The following UGT2B11 variants were observed in gnomAD, a reference collection of about 807,000 sequenced individuals.
UGT2B11 encodes UDP-glucuronosyltransferase 2B11.
In UGT2B11, 49 loss-of-function variants were observed where a neutral mutation model predicts 51.7. The observed-to-expected ratio is 0.95, with a 90% confidence interval of 0.75 to 1.20. The LOEUF (loss-of-function observed/expected upper bound fraction) is 1.20. Ranked by LOEUF, UGT2B11 falls within the 50% of genes most tolerant of loss-of-function variation. UGT2B11 has a pLI of 0.00. For missense variants in UGT2B11, 810 were observed against 622.1 expected (o/e 1.30, Z -3.21); for synonymous variants, 273 against 209.0 (o/e 1.31, Z -2.64).
chr4:69,223,607 A>T, the UGT2B11 span, among the ~76,000 whole-genome samples: 6 of 152,182 alleles, frequency 3.9e-5, no homozygotes, highest in African/African-American at 7.2e-5. Context: ...GCTAAGGCCC[A>T]ATTTACGTGG....
chr4:69,211,310 T>A (rs1429637404), intron 2 of UGT2B11, among the ~76,000 whole-genome samples: 1 of 151,564 alleles, frequency 6.6e-6, no homozygotes, highest in Non-Finnish European at 1.5e-5. Flanking sequence ...GTGAAGATCC[T>A]TGTTACTTAT....
chr4:69,213,984 G>T lies in UGT2B11; in HGVS notation c.721+18C>A. 6.5e-7 allele frequency: 1 copy of T among 1,541,276 alleles called. No homozygotes were observed. The highest frequency in any genetic ancestry group is 8.7e-7 in the Non-Finnish European group (1 of 1,147,872). On this transcript the variant is annotated intron_variant, in intron 1 of 5. Coordinates refer to ENST00000446444, the MANE Select transcript of UGT2B11 (RefSeq NM_001073.3). Reference sequence around the variant, plus strand: ...AAATAAGTTAGATCTTCACGTTACCGATTAAACAAATTCTTACCTAAAACT... The same window carrying T: ...AAATAAGTTAGATCTTCACGTTACCTATTAAACAAATTCTTACCTAAAACT...
chr4:69,206,230 A>G (rs1721850765), intron 3 of UGT2B11, among the ~76,000 whole-genome samples: 1 of 151,552 alleles, frequency 6.6e-6, no homozygotes, highest in Non-Finnish European at 1.5e-5. Context: ...AACCTAAATG[A>G]CCATCAATTA....
chr4:69,201,503 T>A (rs1265000749), intron 5 of UGT2B11, among the ~76,000 whole-genome samples: 1 of 151,814 alleles, frequency 6.6e-6, no homozygotes, highest in Non-Finnish European at 1.5e-5. Flanking sequence ...CTGGCAAGCT[T>A]TTTTCTAACA....
chr4:69,206,864 GT>G (rs1202258135), intron 3 of UGT2B11, among the ~76,000 whole-genome samples: 2 of 151,476 alleles, frequency 1.3e-5, no homozygotes, highest in African/African-American at 2.4e-5. Context: ...TTGTCGGTAG[GT>G]TATTATATTG....
chr4:69,212,766 T>A, intron 1 of UGT2B11, 45 bp from the exon 2 acceptor site: 1 of 1,572,390 alleles, frequency 6.4e-7, no homozygotes, highest in Non-Finnish European at 8.6e-7. Flanking sequence ...GTAAGATAAT[T>A]ACTTTACATA....
At position 69,209,939 on chromosome 4, in the gene UGT2B11, A is replaced by G. The variant is rs186232496; in HGVS notation, c.871-1457T>C. On this transcript the variant is annotated intron_variant, in intron 2 of 5. Coordinates refer to ENST00000446444, the MANE Select transcript of UGT2B11 (RefSeq NM_001073.3). ...TGTATAAAAGTATGAAAAGTTTTTT[A>G]AAAAATAATTTTTCTAAAATTTCTA... 5.4e-3 allele frequency among the ~76,000 whole-genome samples: 821 copies of G among 151,730 alleles called. 1 individual carries two copies. The highest frequency in any genetic ancestry group is 8.3e-3 in the Non-Finnish European group (564 of 67,726).
intron 1 of UGT2B11, among the ~76,000 whole-genome samples, chr4:69,213,653 A>G (rs1423311930): frequency 1.3e-5 from 2 of 151,862 alleles, no homozygotes; most frequent in African/African-American, 4.8e-5. Flanking sequence ...TACTCATTCT[A>G]TATCTATGCA....
upstream of UGT2B11, among the ~76,000 whole-genome samples, chr4:69,218,551 G>A (rs1294301678): frequency 1.3e-5 from 2 of 152,008 alleles, no homozygotes; most frequent in Non-Finnish European, 2.9e-5. Flanking sequence ...TAATAGAAGA[G>A]TGAGGACTAA....
intron 5 of UGT2B11, among the ~76,000 whole-genome samples, chr4:69,204,031 G>T (rs1194535436): frequency 6.6e-6 from 1 of 151,466 alleles, no homozygotes; most frequent in Non-Finnish European, 1.5e-5. Context: ...TTAAAATAAT[G>T]ATGATAAAAA....
intron 5 of UGT2B11, 82 bp downstream of exon 5, chr4:69,204,348 A>G (rs1228424840): frequency 6.4e-7 from 1 of 1,558,914 alleles, no homozygotes; most frequent in Non-Finnish European, 8.7e-7. Context: ...ACTCTCTTAT[A>G]AAAAGGATGA....
chr4:69,208,437 C>A lies in UGT2B11; in HGVS notation c.916G>T (p.Val306Leu), dbSNP rs1560538687. 1 of 1,609,990 alleles carries A rather than the reference C, an allele frequency of 6.2e-7. No homozygotes were observed. Among genetic ancestry groups the A allele is most frequent in the Non-Finnish European group, 8.5e-7 (1 of 1,178,096 alleles). Residue 306 changes from valine (V) to leucine (L), a missense_variant, in exon 3 of 6, where the codon GTG (valine) becomes TTG (leucine). Physicochemically the swap from Val to Leu is conservative, Grantham distance 32. Coordinates refer to ENST00000446444, the MANE Select transcript of UGT2B11 (RefSeq NM_001073.3). The part of the protein sequence containing the change: ...VQSSGENGVV[V>L]FSLGSVISNM... The stretch of plus-strand genomic sequence containing the variant: ...CTTATCACTGACCCCAGAGAAAACA[C>A]CACAACACCATTTTCTCCAGAGCTC...
At chr4:69,221,099 A>G in the UGT2B11 span, among the ~76,000 whole-genome samples, 2 of 152,178 alleles carry the variant, frequency 1.3e-5, no homozygotes, top group South Asian at 2.1e-4. Flanking sequence ...ACTCTTGTTC[A>G]GTATATATGG....
the UGT2B11 span, among the ~76,000 whole-genome samples, chr4:69,223,087 T>A: frequency 6.6e-6 from 1 of 152,190 alleles, no homozygotes; most frequent in Non-Finnish European, 1.5e-5. Flanking sequence ...TTTATCTTCC[T>A]GTTTACAGAA....
chr4:69,206,475 G>A (rs536448696), intron 3 of UGT2B11, among the ~76,000 whole-genome samples: 1 of 151,520 alleles, frequency 6.6e-6, no homozygotes. Flanking sequence ...ATGTATTGGA[G>A]GGTGGAGGGT....
chr4:69,217,013 T>A (rs1443096677), upstream of UGT2B11, among the ~76,000 whole-genome samples: 1 of 152,150 alleles, frequency 6.6e-6, no homozygotes, highest in African/African-American at 2.4e-5. Flanking sequence ...CTGACATTAT[T>A]TTTCTGACCA....
At chr4:69,210,253 A>C (rs182505801) in intron 2 of UGT2B11, among the ~76,000 whole-genome samples, 1 of 151,598 alleles carries the variant, frequency 6.6e-6, no homozygotes, top group Non-Finnish European at 1.5e-5. Context: ...ATTACTTGTA[A>C]TGTTAATTTT....
the UGT2B11 span, among the ~76,000 whole-genome samples, chr4:69,220,152 G>A: frequency 6.6e-6 from 1 of 152,248 alleles, no homozygotes; most frequent in Admixed American, 6.5e-5. Context: ...TCCAGGTAAG[G>A]CAATAAAATC....
chr4:69,218,218 C>T (rs1034476252), upstream of UGT2B11, among the ~76,000 whole-genome samples: 1 of 151,970 alleles, frequency 6.6e-6, no homozygotes, highest in African/African-American at 2.4e-5. Context: ...CTTCTTGGAG[C>T]CACCCAGCAT....
Sources: allele counts gnomAD v4.1 joint callset (sites outside exome capture counted in the v4.1 genomes callset), GRCh38; gene constraint gnomAD v4.1.1; transcripts MANE v1.5; gene names NCBI Gene and HGNC (gene_info 2026-07-23, HGNC 2026-07-21).